HMCN1: variants seen among roughly 807,000 people sequenced by gnomAD.
HMCN1 encodes the protein hemicentin-1.
HMCN1 carries 321 observed loss-of-function variants against 625.9 expected under a neutral mutation model. The observed-to-expected ratio is 0.51, with a 90% CI of 0.47 to 0.56. The LOEUF (loss-of-function observed/expected upper bound fraction) is 0.56. HMCN1 is among the 20% of genes least tolerant of loss of function. HMCN1 has a pLI of 0.00. For synonymous variants in HMCN1, 2,425 were observed against 2,417.6 expected (o/e 1.00, Z -0.09); for missense variants, 6,588 against 6,887.3 (o/e 0.96, Z 1.54).
At chr1:185,867,939 C>T (rs1040934419) in intron 4 of HMCN1, among the ~76,000 whole-genome samples, 13 of 151,816 alleles carry the variant, frequency 8.6e-5, no homozygotes, top group Admixed American at 2.0e-4. Context: ...CATGGTGGCA[C>T]GTACCCATAG....
At chr1:185,895,997 G>T (rs986592854) in intron 4 of HMCN1, among the ~76,000 whole-genome samples, 18 of 151,304 alleles carry the variant, frequency 1.2e-4, no homozygotes, top group Non-Finnish European at 2.2e-4. Context: ...GTGCAGTGGC[G>T]CAATCTCGGC....
At chr1:186,158,271 C>A (rs1382732985) in intron 97 of HMCN1, among the ~76,000 whole-genome samples, 3 of 150,956 alleles carry the variant, frequency 2.0e-5, no homozygotes, top group Non-Finnish European at 4.4e-5. Context: ...GTCCTTCGCC[C>A]ACTTTTTGAT....
At chr1:186,178,381 T>C in intron 103 of HMCN1, 35 bp from the exon 104 acceptor site, 1 of 1,484,456 alleles carries the variant, frequency 6.7e-7, no homozygotes, top group Non-Finnish European at 9.4e-7. Context: ...GTATGTGTCT[T>C]TTTTTTTCTT....
In HMCN1 at chr1:186,119,089, C is replaced by T; in HGVS notation, c.11849-102C>T. On this transcript the variant is annotated intron_variant, in intron 77 of 106. Transcript: ENST00000271588. ...TACAAGTATGAATATAAGCCAAGCA[C>T]CACCATGCTATTTGCAGAAAACACA... 1.9e-5 allele frequency: 16 copies of T among 825,850 alleles called. No homozygotes were observed. The South Asian group carries it at 2.1e-4, about 11-fold the overall frequency. 51.2% of individuals were successfully genotyped at this position (825,850 alleles called of 1,614,324 possible).
At chr1:185,933,448 A>G in intron 10 of HMCN1, 101 bp from the exon 11 acceptor site, 2 of 1,138,560 alleles carry the variant, frequency 1.8e-6, no homozygotes, top group Non-Finnish European at 2.6e-6. Context: ...CATCTTTCCT[A>G]CTGGATGTTC....
Position 186,179,153 on chromosome 1 carries a change from A to C in HMCN1, c.16294+387A>C, listed in dbSNP as rs544117073. On this transcript the variant is annotated intron_variant, in intron 104 of 106. Coordinates refer to ENST00000271588, the MANE Select transcript of HMCN1 (RefSeq NM_031935.3). ...GGCCACATCGGATTGATGGAAAAGCAGTGGTTTAAAAGTGAAAGTTTCAGC... is the reference window on the plus strand; with the variant it reads ...GGCCACATCGGATTGATGGAAAAGCCGTGGTTTAAAAGTGAAAGTTTCAGC... 2.9e-3 allele frequency among the ~76,000 whole-genome samples: 440 copies of C among 152,290 alleles called. 1 individual carries two copies. Among genetic ancestry groups the C allele is most frequent in the African/African-American group, 0.01 (423 of 41,560 alleles).
chr1:185,881,027 G>A (rs1485584016), intron 4 of HMCN1, among the ~76,000 whole-genome samples: 2 of 152,210 alleles, frequency 1.3e-5, no homozygotes, highest in South Asian at 2.1e-4. Flanking sequence ...TGGTGTCTGC[G>A]ACTCCCAAAG....
At chr1:186,176,028 T>G (rs1187818461) in intron 103 of HMCN1, among the ~76,000 whole-genome samples, 3 of 152,204 alleles carry the variant, frequency 2.0e-5, no homozygotes, top group Non-Finnish European at 4.4e-5. Flanking sequence ...TCTACCTTCC[T>G]GTATTGTTTT....
intron 2 of HMCN1, among the ~76,000 whole-genome samples, chr1:185,861,383 A>T (rs570208217): frequency 6.6e-6 from 1 of 152,194 alleles, no homozygotes; most frequent in African/African-American, 2.4e-5. Flanking sequence ...TTAGAATTAT[A>T]CTACCATGGA....
chr1:185,738,215 T>C (rs1653727822), intron 1 of HMCN1, among the ~76,000 whole-genome samples: 1 of 152,228 alleles, frequency 6.6e-6, no homozygotes, highest in Non-Finnish European at 1.5e-5. Flanking sequence ...TTCAGTATAT[T>C]CACAGATAGG....
chr1:186,159,425 T>C (rs538084298), intron 97 of HMCN1, among the ~76,000 whole-genome samples: 2 of 152,146 alleles, frequency 1.3e-5, no homozygotes, highest in African/African-American at 4.8e-5. Flanking sequence ...TTCTCCTGCC[T>C]AATTGCCCTG....
At chr1:185,775,396 A>G (rs1388554009) in intron 1 of HMCN1, among the ~76,000 whole-genome samples, 3 of 152,116 alleles carry the variant, frequency 2.0e-5, no homozygotes, top group Non-Finnish European at 4.4e-5. Flanking sequence ...TGGGCAACAT[A>G]GTGAGACCCT....
intron 82 of HMCN1, 97 bp downstream of exon 82, chr1:186,125,891 T>TA (rs58905983): frequency 0.38 from 302,017 of 788,958 alleles, 62,457 homozygotes; most frequent in African/African-American, 0.64. Context: ...CTTTAATAAT[T>TA]AAAAAAAATA....
intron 66 of HMCN1, 127 bp downstream of exon 66, chr1:186,093,796 A>G (rs967782143): frequency 2.4e-6 from 3 of 1,251,456 alleles, no homozygotes; most frequent in African/African-American, 3.0e-5. Flanking sequence ...CCCTTTAAGT[A>G]TATTTTTAGT....
intron 75 of HMCN1, 69 bp downstream of exon 75, chr1:186,115,483 A>G (rs1661092396): frequency 2.8e-6 from 4 of 1,418,848 alleles, no homozygotes; most frequent in Admixed American, 1.8e-5. Context: ...TTTTAATTCT[A>G]TCAGTGGGGT....
intron 69 of HMCN1, among the ~76,000 whole-genome samples, chr1:186,106,503 T>C (rs537362336): frequency 1.8e-4 from 28 of 152,330 alleles, no homozygotes; most frequent in African/African-American, 6.7e-4. Flanking sequence ...ACATCTTATT[T>C]TCTTGAGAAA....
At chr1:185,969,373 G>C (rs1650641092) in intron 14 of HMCN1, among the ~76,000 whole-genome samples, 1 of 152,082 alleles carries the variant, frequency 6.6e-6, no homozygotes. Context: ...CTCAAATTTA[G>C]AGCTCTTGTG....
rs556024221 is a variant in HMCN1 at position 186,144,419 on chromosome 1, T to C, written c.14095+76T>C. 1.5e-4 allele frequency: 233 copies of C among 1,600,416 alleles called. No homozygotes were observed. The African/African-American group carries it at 2.6e-3, about 18-fold the overall frequency. ...TATCTAGGTAGTATGTCAACAAGAA[T>C]CTATCCCATTCTAACTGTGCCCACA... On this transcript the variant is annotated intron_variant, in intron 90 of 106. Transcript: ENST00000271588.
intron 6 of HMCN1, 89 bp downstream of exon 6, chr1:185,911,869 A>T: frequency 1.1e-6 from 1 of 950,496 alleles, no homozygotes; most frequent in Non-Finnish European, 1.7e-6. Context: ...TTAAACATAC[A>T]CTCTTGCTAT....
Sources: allele counts gnomAD v4.1 joint callset (sites outside exome capture counted in the v4.1 genomes callset), GRCh38; gene constraint gnomAD v4.1.1; transcripts MANE v1.5; gene names NCBI Gene and HGNC (gene_info 2026-07-23, HGNC 2026-07-21).